The following CD300LD variants were observed in gnomAD, a reference collection of about 807,000 sequenced individuals.
CD300LD encodes CD300 molecule like family member d, also known as CMRF35-like molecule 5.
In CD300LD, 18 loss-of-function variants were observed where a neutral mutation model predicts 20.3. The observed-to-expected ratio is 0.89, with a 90% confidence interval of 0.61 to 1.32. The LOEUF is 1.32. CD300LD is among the 40% of genes most tolerant of loss of function. CD300LD has a pLI of 0.00. For missense variants in CD300LD, 195 were observed against 226.6 expected, an observed-to-expected ratio of 0.86 and a Z score of 0.90; for synonymous variants, 104 against 90.1, an observed-to-expected ratio of 1.15 and a Z score of -0.87.
At chr17:74,581,885 G>A (rs1598126908) in intron 3 of CD300LD, among the ~76,000 whole-genome samples, 1 of 152,186 alleles carries the variant, frequency 6.6e-6, no homozygotes, top group African/African-American at 2.4e-5. Flanking sequence ...GGCCATCGGA[G>A]GTTTGCAGTG....
Position 74,579,657 on chromosome 17 carries a change from G to A in CD300LD, c.*345C>T, listed in dbSNP as rs1431927083. The A allele has an allele frequency of 5.7e-6, 1 of 174,408 alleles. No individual in the cohort carries two copies. The highest frequency in any genetic ancestry group is 1.2e-5 in the Non-Finnish European group (1 of 81,492). 10.8% of individuals were successfully genotyped at this position (174,408 alleles called of 1,614,324 possible). A position where few individuals can be genotyped will look rare whatever the true frequency, so the allele number is the denominator to read the frequency against. On this transcript the variant is annotated 3_prime_UTR_variant, in exon 4 of 4. Coordinates refer to ENST00000375352, the MANE Select transcript of CD300LD (RefSeq NM_001115152.2). Reference sequence around the variant, plus strand: ...CCCACCACTTTGGGAGGCGAAGCGGGAGGATCTCTTGAGGTCAAGAGTTCG... The same window carrying A: ...CCCACCACTTTGGGAGGCGAAGCGGAAGGATCTCTTGAGGTCAAGAGTTCG...
chr17:74,580,282 G>T (rs900900835), intron 3 of CD300LD, among the ~76,000 whole-genome samples, 169 bp from the exon 4 acceptor site: 1 of 152,180 alleles, frequency 6.6e-6, no homozygotes, highest in African/African-American at 2.4e-5. Flanking sequence ...CACCAGCGAG[G>T]CTCCCAGTCC....
At chr17:74,582,179 C>CA in intron 3 of CD300LD, 39 bp downstream of exon 3, 1 of 1,568,728 alleles carries the variant, frequency 6.4e-7, no homozygotes, top group Non-Finnish European at 8.8e-7. Flanking sequence ...GCCATGGGGC[C>CA]AGGCCTGTGC....
intron 2 of CD300LD, 129 bp from the exon 3 acceptor site, chr17:74,582,440 T>A: frequency 1.6e-6 from 1 of 608,494 alleles, no homozygotes; most frequent in South Asian, 2.3e-5. Flanking sequence ...CTGGTCAGCA[T>A]CCAAAATATT....
chr17:74,581,714 GC>G (rs1405758927), intron 3 of CD300LD, among the ~76,000 whole-genome samples: 1 of 152,238 alleles, frequency 6.6e-6, no homozygotes, highest in Admixed American at 6.5e-5. Context: ...ACCTCGATAT[GC>G]CCTCTTGACC....
chr17:74,584,348 G>A lies in CD300LD; in HGVS notation c.380-2037C>T, dbSNP rs951738310. On this transcript the variant is annotated intron_variant, in intron 2 of 3. Coordinates refer to ENST00000375352, the MANE Select transcript of CD300LD (RefSeq NM_001115152.2). ...AGTGTTTCCAACACTTGGTGTCAAGGTCAGTAATGTTAACTTTTGTTACAG... is the reference window on the plus strand; with the variant it reads ...AGTGTTTCCAACACTTGGTGTCAAGATCAGTAATGTTAACTTTTGTTACAG... 2.6e-5 allele frequency among the ~76,000 whole-genome samples: 4 copies of A among 152,264 alleles called. No homozygotes were observed. The South Asian group carries it at 8.3e-4, about 32-fold the overall frequency.
intron 1 of CD300LD, among the ~76,000 whole-genome samples, chr17:74,590,255 A>G (rs1267262194): frequency 2.6e-5 from 4 of 152,074 alleles, no homozygotes; most frequent in East Asian, 1.9e-4. Flanking sequence ...TTCACCTTCC[A>G]CCATGATTGT....
chr17:74,589,558 G>A, intron 1 of CD300LD, among the ~76,000 whole-genome samples: 1 of 152,242 alleles, frequency 6.6e-6, no homozygotes, highest in Non-Finnish European at 1.5e-5. Context: ...GTTAAAGGGT[G>A]AGGAACGGGC....
chr17:74,582,182 G>C, intron 3 of CD300LD, 36 bp downstream of exon 3: 1 of 1,582,716 alleles, frequency 6.3e-7, no homozygotes, highest in Non-Finnish European at 8.7e-7. Context: ...ATGGGGCCAG[G>C]CCTGTGCGAA....
At chr17:74,583,890 T>C (rs188415448) in intron 2 of CD300LD, among the ~76,000 whole-genome samples, 43 of 151,880 alleles carry the variant, frequency 2.8e-4, no homozygotes, top group African/African-American at 9.2e-4. Flanking sequence ...CATCTGGGAC[T>C]ACAGGTTAGT....
chr17:74,591,996 A>G, intron 1 of CD300LD, 167 bp downstream of exon 1: 1 of 1,545,444 alleles, frequency 6.5e-7, no homozygotes, highest in Non-Finnish European at 8.8e-7. Flanking sequence ...TCTAACACAG[A>G]ACCTGTCAGA....
intron 3 of CD300LD, 38 bp from the exon 4 acceptor site, chr17:74,580,151 G>T: frequency 7.3e-7 from 1 of 1,367,758 alleles, no homozygotes; most frequent in Non-Finnish European, 1.0e-6. Context: ...GCTGCCTCCT[G>T]GGTCAGAGGT....
Position 74,588,616 on chromosome 17 carries a change from C to T in CD300LD, c.274G>A (p.Val92Met), listed in dbSNP as rs200915238. The part of the protein sequence containing the change: ...RDNQKNHVFT[V>M]TMENLKRDDA... ...TCTCTTTTGAGATTCTCCATGGTCA[C>T]GGTGAACACGTGGTTTTTCTGATTG... is the stretch of plus-strand genomic sequence containing the variant. The change falls in exon 2 of 4, where the codon GTG becomes ATG. Residue 92 changes from valine (V) to methionine (M), a missense_variant. By Grantham distance (21) the Val-to-Met change is conservative. Coordinates refer to ENST00000375352, the MANE Select transcript of CD300LD (RefSeq NM_001115152.2). The T allele has an allele frequency of 1.5e-4, 235 of 1,613,998 alleles. No individual in the cohort carries two copies. Among genetic ancestry groups the T allele is most frequent in the Non-Finnish European group, 1.8e-4 (218 of 1,179,848 alleles).
In CD300LD at chr17:74,582,268, G is replaced by A. The variant is rs745564152; in HGVS notation, c.423C>T (p.Ser141=). The A allele has an allele frequency of 1.9e-6, 3 of 1,613,736 alleles. No individual in the cohort carries two copies. The highest frequency in any genetic ancestry group is 3.3e-5 in the Admixed American group (2 of 59,990). ...GGGTGGCTGCAGCTGTGAAAGCCAG[G>A]CTTGCTGTTGTGGTTGTCCATTCTG... ...AVSEWTTTTA[S]LAFTAAATQK... Residue 141 remains serine, a synonymous_variant, in exon 3 of 4, where the codon AGC becomes AGT. Coordinates refer to ENST00000375352, the MANE Select transcript of CD300LD (RefSeq NM_001115152.2).
intron 2 of CD300LD, among the ~76,000 whole-genome samples, chr17:74,587,068 G>C (rs1369989196): frequency 6.6e-6 from 1 of 151,902 alleles, no homozygotes; most frequent in Non-Finnish European, 1.5e-5. Context: ...AGAATCTCTG[G>C]AACCCAGGAG....
chr17:74,582,388 A>C (rs1598127258), intron 2 of CD300LD, 77 bp from the exon 3 acceptor site: 1 of 1,204,250 alleles, frequency 8.3e-7, no homozygotes, highest in Non-Finnish European at 1.2e-6. Context: ...AGGCTTCTCC[A>C]CCTAGGAATT....
intron 2 of CD300LD, among the ~76,000 whole-genome samples, chr17:74,585,848 A>G (rs1486871655): frequency 2.0e-5 from 3 of 152,218 alleles, no homozygotes; most frequent in African/African-American, 7.2e-5. Context: ...AGACAGAATC[A>G]TGCTGCTGGA....
At chr17:74,591,947 T>C (rs2030329527) in intron 1 of CD300LD, 1 of 1,357,876 alleles carries the variant, frequency 7.4e-7, no homozygotes, top group Non-Finnish European at 1.0e-6. Flanking sequence ...AACAAGAAGC[T>C]ATACTTGTTT....
chr17:74,581,254 C>A (rs1263424962), intron 3 of CD300LD, among the ~76,000 whole-genome samples: 1 of 146,932 alleles, frequency 6.8e-6, no homozygotes, highest in Non-Finnish European at 1.5e-5. Context: ...AACTCAAGAT[C>A]GAGTGAATAA....
Sources: gnomAD v4.1 joint callset for allele counts (sites outside exome capture counted in the v4.1 genomes callset) on GRCh38, gnomAD v4.1.1 for gene constraint, MANE v1.5 for transcripts, NCBI Gene and HGNC (gene_info 2026-07-23, HGNC 2026-07-21) for gene names.